Variants in EFCAB5 observed in about 807,000 individuals in gnomAD.
EFCAB5 encodes the protein EF-hand calcium binding domain 5, also known as EF-hand calcium-binding domain-containing protein 5.
A neutral mutation model predicts 167.9 loss-of-function variants in EFCAB5; 131 were observed. That is an observed-to-expected ratio of 0.78 (90% CI 0.68 to 0.90). The LOEUF (loss-of-function observed/expected upper bound fraction) is 0.90. EFCAB5 is among the 40% of genes least tolerant of loss of function. The probability of loss-of-function intolerance (pLI) is 0.00; values close to 1 mark genes in which losing one functional copy is unlikely to be tolerated. For synonymous variants in EFCAB5, 574 were observed against 602.8 expected, an observed-to-expected ratio of 0.95 and a Z score of 0.70; for missense variants, 1,663 against 1,745.2, an observed-to-expected ratio of 0.95 and a Z score of 0.84.
intron 14 of EFCAB5, chr17:30,069,124 A>G (rs117502729): frequency 0.028 from 42,325 of 1,524,640 alleles, 708 homozygotes; most frequent in Non-Finnish European, 0.033. Context: ...TAAGAAAAGA[A>G]TATCTAAGCT....
chr17:30,068,436 C>T (rs1218214972), intron 14 of EFCAB5, among the ~76,000 whole-genome samples: 1 of 151,840 alleles, frequency 6.6e-6, no homozygotes, highest in African/African-American at 2.4e-5. Context: ...TAAATATAAC[C>T]AGGGAGGTGA....
chr17:29,998,199 G>GT (rs1555555184), intron 6 of EFCAB5, among the ~76,000 whole-genome samples: 3 of 152,100 alleles, frequency 2.0e-5, no homozygotes, highest in Non-Finnish European at 4.4e-5. Flanking sequence ...TCCAAAAACC[G>GT]TAATTCTTCA....
intron 22 of EFCAB5, among the ~76,000 whole-genome samples, chr17:30,101,058 G>A (rs911845170): frequency 6.6e-6 from 1 of 152,170 alleles, no homozygotes; most frequent in Non-Finnish European, 1.5e-5. Flanking sequence ...GGGTCTTGAA[G>A]ACTATCATAA....
intron 3 of EFCAB5, among the ~76,000 whole-genome samples, chr17:29,944,056 A>T (rs770240791): frequency 6.6e-6 from 1 of 152,164 alleles, no homozygotes; most frequent in Non-Finnish European, 1.5e-5. Context: ...CATTTTAAAG[A>T]TATAATTTCA....
At position 29,932,258 on chromosome 17, in the gene EFCAB5, C is replaced by A. The variant is rs9890535; in HGVS notation, c.-127+2929C>A. Among the ~76,000 whole-genome samples the A allele has an allele frequency of 6.4e-3, 953 of 149,178 alleles. 4 individuals carry two copies. The highest frequency in any genetic ancestry group is 0.023 in the African/African-American group (914 of 40,312). On this transcript the variant is annotated intron_variant, in intron 1 of 3. Transcript: ENST00000448319. ...CTCCGCCTCCCGGGTTCAAGCAATT[C>A]TCCTGCCTCAGCCTCCCGAGTAGCT...
intron 8 of EFCAB5, among the ~76,000 whole-genome samples, chr17:30,049,412 G>A (rs754978884): frequency 1.3e-5 from 2 of 151,868 alleles, no homozygotes; most frequent in African/African-American, 2.4e-5. Context: ...CCCGGGAGGC[G>A]GAGGTTGCAG....
At chr17:30,090,753 G>A (rs73274846) in intron 20 of EFCAB5, 79 bp downstream of exon 20, 2 of 1,506,710 alleles carry the variant, frequency 1.3e-6, no homozygotes, top group African/African-American at 1.4e-5. Flanking sequence ...AATGAAATAT[G>A]CACTTTCTAA....
At chr17:30,051,048 C>A in intron 8 of EFCAB5, 70 bp from the exon 9 acceptor site, 1 of 1,307,664 alleles carries the variant, frequency 7.6e-7, no homozygotes, top group Non-Finnish European at 1.1e-6. Flanking sequence ...CTTCAATAAG[C>A]CACGTTCCAA....
intron 18 of EFCAB5, among the ~76,000 whole-genome samples, chr17:30,084,740 A>G (rs1306638976): frequency 6.6e-6 from 1 of 152,184 alleles, no homozygotes; most frequent in African/African-American, 2.4e-5. Context: ...TGTGTCTCAA[A>G]GATAAACCAG....
chr17:30,062,575 AC>A (rs1469610827), intron 14 of EFCAB5, among the ~76,000 whole-genome samples: 1 of 152,052 alleles, frequency 6.6e-6, no homozygotes, highest in Non-Finnish European at 1.5e-5. Context: ...TAGTGCCCTG[AC>A]CCTTGTGGCC....
At chr17:29,946,149 T>G (rs368984856) in intron 3 of EFCAB5, among the ~76,000 whole-genome samples, 9 of 151,742 alleles carry the variant, frequency 5.9e-5, no homozygotes, top group African/African-American at 1.9e-4. Context: ...AAAATAATTA[T>G]CCCATCAAAA....
chr17:29,984,012 T>G (rs2068230050), intron 4 of EFCAB5, among the ~76,000 whole-genome samples: 1 of 152,078 alleles, frequency 6.6e-6, no homozygotes, highest in Admixed American at 6.5e-5. Context: ...CACTTAGTAC[T>G]TACCCTAAAA....
chr17:30,073,714 G>A (rs1725057862), intron 14 of EFCAB5: 4 of 712,640 alleles, frequency 5.6e-6, no homozygotes, highest in Middle Eastern at 2.3e-4. Flanking sequence ...AATTTTAAGT[G>A]TATATTTGCT....
At chr17:30,048,359 A>C (rs1249724105) in intron 8 of EFCAB5, among the ~76,000 whole-genome samples, 1 of 152,074 alleles carries the variant, frequency 6.6e-6, no homozygotes, top group Non-Finnish European at 1.5e-5. Flanking sequence ...AAAAAAATAC[A>C]TAATCATATA....
At chr17:30,095,465 A>C (rs1049262765) in intron 22 of EFCAB5, among the ~76,000 whole-genome samples, 2 of 152,068 alleles carry the variant, frequency 1.3e-5, no homozygotes, top group East Asian at 3.9e-4. Flanking sequence ...GGACTGCTGG[A>C]CTCACAGTCC....
intron 18 of EFCAB5, among the ~76,000 whole-genome samples, chr17:30,083,421 G>A (rs1438112573): frequency 6.6e-6 from 1 of 152,186 alleles, no homozygotes; most frequent in Non-Finnish European, 1.5e-5. Flanking sequence ...CAAGTCAGAT[G>A]CTTACTAAAA....
chr17:30,059,606 G>A lies in EFCAB5; in HGVS notation c.2642G>A (p.Trp881Ter), dbSNP rs2070369827. The part of the protein sequence containing the change: ...RLLLEAIFQK[W>*]DSDGSGFLDL... ...CTCCTAGAAGCCATCTTTCAGAAGTGGGACAGTGATGGCTCAGGCTTCCTG... is the reference window on the plus strand; with the variant it reads ...CTCCTAGAAGCCATCTTTCAGAAGTAGGACAGTGATGGCTCAGGCTTCCTG... Residue 881 changes from tryptophan (W) to a stop codon, truncating the protein, a stop_gained, in exon 14 of 23, where the codon TGG (tryptophan) becomes TAG (stop). Coordinates refer to ENST00000394835, the MANE Select transcript of EFCAB5 (RefSeq NM_198529.4). LOFTEE classifies it high-confidence loss of function. The A allele has an allele frequency of 6.2e-7, 1 of 1,611,660 alleles. No individual in the cohort carries two copies. Among genetic ancestry groups the A allele is most frequent in the South Asian group, 1.1e-5 (1 of 90,764 alleles).
At position 29,972,657 on chromosome 17, in the gene EFCAB5, G is replaced by A. The variant is rs146901143; in HGVS notation, c.767+3290G>A. The A allele has an allele frequency of 7.8e-5, 13 of 166,450 alleles. No homozygotes were observed. In the East Asian group the frequency reaches 2.2e-3, roughly 28 times the overall value. The allele number at this position is 166,450 out of a possible 1,614,324, so 10.3% of individuals were successfully genotyped here. On this transcript the variant is annotated intron_variant, in intron 4 of 22. Transcript: ENST00000394835. ...TTGGAGCCAGTTGGGGTCTTGTGGC[G>A]GCCTGTTAGGGATGTGATCCAGCGC...
chr17:30,061,723 T>C (rs1196771088), intron 14 of EFCAB5, among the ~76,000 whole-genome samples: 3 of 152,156 alleles, frequency 2.0e-5, no homozygotes, highest in South Asian at 2.1e-4. Flanking sequence ...CTATATAGGC[T>C]GTGCCACCAT....
Sources: allele counts gnomAD v4.1 joint callset (sites outside exome capture counted in the v4.1 genomes callset), GRCh38; gene constraint gnomAD v4.1.1; transcripts MANE v1.5; gene names NCBI Gene and HGNC (gene_info 2026-07-23, HGNC 2026-07-21).